The following CAMSAP1 variants were observed in gnomAD, a reference collection of about 807,000 sequenced individuals.
CAMSAP1 encodes calmodulin-regulated spectrin-associated protein 1.
Under a neutral mutation model 143.5 loss-of-function variants are expected in CAMSAP1, and 58 were observed. That is an observed-to-expected ratio of 0.40 (90% confidence interval 0.33 to 0.50). The LOEUF (loss-of-function observed/expected upper bound fraction) is 0.50, where lower values mean the gene tolerates loss of function less well. Ranked by LOEUF, CAMSAP1 falls within the 20% of genes least tolerant of loss-of-function variation. CAMSAP1 has a pLI of 0.45. For synonymous variants in CAMSAP1, 945 were observed against 859.3 expected (o/e 1.10, Z -1.74); for missense variants, 1,969 against 2,115.7 (o/e 0.93, Z 1.36).
In CAMSAP1 at chr9:135,882,743, C is replaced by A; in HGVS notation, c.423+73G>T. 6.7e-7 allele frequency: 1 copy of A among 1,490,026 alleles called. No homozygotes were observed. The allele number at this position is 1,490,026 out of a possible 1,614,324, so 92.3% of individuals were successfully genotyped here. A position where few individuals can be genotyped will look rare whatever the true frequency, so the allele number is the denominator to read the frequency against. On this transcript the variant is annotated intron_variant, in intron 2 of 16. Transcript: ENST00000389532. The surrounding 1 kb of genome is among the most constrained non-coding windows in gnomAD (Gnocchi z 4.9). Reference sequence around the variant, plus strand: ...GCACACCGTGTTCACACCATCCATGCACCAGGTGCGCCACACGAGAGCCCA... The same window carrying A: ...GCACACCGTGTTCACACCATCCATGAACCAGGTGCGCCACACGAGAGCCCA...
intron 5 of CAMSAP1, among the ~76,000 whole-genome samples, chr9:135,857,424 T>G (rs898189609): frequency 3.3e-5 from 5 of 152,184 alleles, no homozygotes; most frequent in African/African-American, 1.2e-4. Context: ...TGGCGGCTCT[T>G]TAGAATTTGC....
Position 135,821,591 on chromosome 9 carries a change from TGGAAA to T in CAMSAP1, c.3065_3069del (p.Leu1022HisfsTer5), listed in dbSNP as rs1164729492. 6.2e-7 allele frequency: 1 copy of T among 1,614,018 alleles called. No individual in the cohort carries two copies. Among genetic ancestry groups the T allele is most frequent in the Non-Finnish European group, 8.5e-7 (1 of 1,179,886 alleles). On this transcript the variant is annotated frameshift_variant, in exon 11 of 17. Transcript: ENST00000389532. LOFTEE classifies it high-confidence loss of function. The surrounding 1 kb of genome is among the most constrained non-coding windows in gnomAD (Gnocchi z 4.6). The stretch of plus-strand genomic sequence containing the variant: ...CTGATGGTTTCGTTAAGCTTCTCGA[TGGAAA>T]GGTCACATTCATTCACGTCGACAAC...
intron 3 of CAMSAP1, among the ~76,000 whole-genome samples, chr9:135,879,666 CA>C (rs1298956280): frequency 2.7e-5 from 4 of 147,702 alleles, no homozygotes; most frequent in Admixed American, 6.8e-5. Flanking sequence ...CAGATTTGGC[CA>C]AAAAAAAACA....
In CAMSAP1 at chr9:135,821,195, G is replaced by A. The variant is rs372071788; in HGVS notation, c.3466C>T (p.Pro1156Ser). 16 of 1,609,712 alleles carry A rather than the reference G, an allele frequency of 9.9e-6. No individual in the cohort carries two copies. In the African/African-American group the frequency reaches 2.1e-4, roughly 21 times the overall value. The change falls in exon 11 of 17, where the codon CCC (proline) becomes TCC (serine). Residue 1156 changes from proline to serine, a missense_variant. By Grantham distance (74) the Pro-to-Ser change is moderately conservative. Coordinates refer to ENST00000389532, the MANE Select transcript of CAMSAP1 (RefSeq NM_015447.4). The surrounding 1 kb of genome is among the most constrained non-coding windows in gnomAD (Gnocchi z 4.6). ...CACTTCCCATGTGGGTCACCACTGGGCTCCAGGGCACTGTCCAGGCCAGGG... is the reference window on the plus strand; with the variant it reads ...CACTTCCCATGTGGGTCACCACTGGACTCCAGGGCACTGTCCAGGCCAGGG... ...TDPGLDSALE[P>S]SGDPHGKCLF...
chr9:135,885,701 T>C (rs1411686894), intron 1 of CAMSAP1, among the ~76,000 whole-genome samples: 1 of 152,256 alleles, frequency 6.6e-6, no homozygotes, highest in Non-Finnish European at 1.5e-5. Context: ...AAGTGATTCA[T>C]ATAATCACCT....
intron 1 of CAMSAP1, among the ~76,000 whole-genome samples, chr9:135,892,141 C>G (rs549293179): frequency 2.0e-5 from 3 of 152,020 alleles, no homozygotes; most frequent in African/African-American, 7.3e-5. Flanking sequence ...TGAAAGACAC[C>G]AATTTACAGG....
At chr9:135,865,241 C>T in intron 4 of CAMSAP1, 3 of 1,259,486 alleles carry the variant, frequency 2.4e-6, no homozygotes, top group Non-Finnish European at 3.4e-6. Flanking sequence ...AACAAAAAAA[C>T]AGTTTTGGGT....
intron 1 of CAMSAP1, among the ~76,000 whole-genome samples, chr9:135,900,200 G>A (rs1838575352): frequency 6.6e-6 from 1 of 151,766 alleles, no homozygotes; most frequent in Non-Finnish European, 1.5e-5. Flanking sequence ...TAATTTTTAT[G>A]TTCTTTGTAG....
chr9:135,830,054 G>GTGTA (rs1835805924), intron 7 of CAMSAP1, among the ~76,000 whole-genome samples: 1 of 151,826 alleles, frequency 6.6e-6, no homozygotes, highest in African/African-American at 2.4e-5. Context: ...CCTAGGTAAT[G>GTGTA]ACTACTGAAG....
intron 1 of CAMSAP1, among the ~76,000 whole-genome samples, chr9:135,902,513 G>C (rs1302325206): frequency 1.3e-5 from 2 of 152,218 alleles, no homozygotes; most frequent in Non-Finnish European, 2.9e-5. Context: ...TCTGAGCACA[G>C]ATTTCATTTT....
intron 7 of CAMSAP1, among the ~76,000 whole-genome samples, chr9:135,842,770 C>T (rs1481317993): frequency 6.6e-6 from 1 of 152,176 alleles, no homozygotes; most frequent in Non-Finnish European, 1.5e-5. Context: ...GAAACAAAAT[C>T]CTTTACAGAC....
chr9:135,899,850 A>G (rs1410732139), intron 1 of CAMSAP1, among the ~76,000 whole-genome samples: 1 of 151,954 alleles, frequency 6.6e-6, no homozygotes, highest in East Asian at 1.9e-4. Context: ...CCCTCAGGGG[A>G]GTCTCCCTCC....
chr9:135,891,993 A>G (rs1838303908), intron 1 of CAMSAP1, among the ~76,000 whole-genome samples: 1 of 152,194 alleles, frequency 6.6e-6, no homozygotes, highest in African/African-American at 2.4e-5. Flanking sequence ...TCTGAAGAAC[A>G]GAGAGAAGAA....
chr9:135,875,995 A>G lies in CAMSAP1; in HGVS notation c.585+5638T>C, dbSNP rs547697851. On this transcript the variant is annotated intron_variant, in intron 3 of 16. Transcript: ENST00000389532. ...TTTTTTGAAACAGTCTTGCTCTGTC[A>G]CCCAGACTAGAGTGCAGTGGCATGA... is the stretch of plus-strand genomic sequence containing the variant. Among the ~76,000 whole-genome samples, 23 of 152,306 alleles carry G rather than the reference A, an allele frequency of 1.5e-4. No homozygotes were observed. The South Asian group carries it at 4.6e-3, about 30-fold the overall frequency.
At chr9:135,815,784 T>C in intron 15 of CAMSAP1, 106 bp downstream of exon 15, 3 of 925,402 alleles carry the variant, frequency 3.2e-6, no homozygotes, top group South Asian at 1.6e-5. Context: ...ACATCTTTGT[T>C]AGAAAAATAC....
chr9:135,845,229 C>T (rs187593112), intron 7 of CAMSAP1, among the ~76,000 whole-genome samples: 25 of 152,226 alleles, frequency 1.6e-4, no homozygotes, highest in Middle Eastern at 3.4e-3. Flanking sequence ...AATCAATAAA[C>T]GTAATCCATC....
chr9:135,878,696 TGAGA>T (rs1012260222), intron 3 of CAMSAP1, among the ~76,000 whole-genome samples: 1 of 151,830 alleles, frequency 6.6e-6, no homozygotes, highest in Non-Finnish European at 1.5e-5. Flanking sequence ...ACAGCGCGGG[TGAGA>T]GAGTTTGCTC....
chr9:135,894,445 A>G (rs897102774), intron 1 of CAMSAP1, among the ~76,000 whole-genome samples: 110 of 152,304 alleles, frequency 7.2e-4, no homozygotes, highest in African/African-American at 2.6e-3. Flanking sequence ...AGGGGTGTAA[A>G]ACAAACACCC....
intron 7 of CAMSAP1, among the ~76,000 whole-genome samples, chr9:135,837,708 G>A (rs900989238): frequency 1.5e-5 from 2 of 135,908 alleles, no homozygotes; most frequent in Non-Finnish European, 3.1e-5. Context: ...ACGTCACCAC[G>A]CACGTTCTAC....
Sources: gnomAD v4.1 joint callset for allele counts (sites outside exome capture counted in the v4.1 genomes callset) on GRCh38, gnomAD v4.1.1 for gene constraint, Gnocchi (gnomAD v3.1) non-coding constraint, MANE v1.5 for transcripts, NCBI Gene and HGNC (gene_info 2026-07-23, HGNC 2026-07-21) for gene names.